The following MPHOSPH9 variants were observed in gnomAD, a reference collection of about 807,000 sequenced individuals.
MPHOSPH9 encodes the protein M-phase phosphoprotein 9.
In MPHOSPH9, 88 loss-of-function variants were observed where a neutral mutation model predicts 145.5. The ratio of observed to expected loss-of-function variants is 0.60; its 90% confidence interval spans 0.51 to 0.72. The LOEUF is 0.72. Among genes scored for constraint, MPHOSPH9 ranks in the 30% least tolerant of loss-of-function variants. The pLI, the probability that MPHOSPH9 is intolerant of heterozygous loss-of-function variation, is 0.00. For synonymous variants in MPHOSPH9, 435 were observed against 486.2 expected (o/e 0.89, Z 1.39); for missense variants, 1,238 against 1,386.6 (o/e 0.89, Z 1.70).
intron 11 of MPHOSPH9, among the ~76,000 whole-genome samples, chr12:123,200,598 C>T (rs1301607913): frequency 3.3e-5 from 5 of 151,440 alleles, no homozygotes; most frequent in South Asian, 2.1e-4. Flanking sequence ...AGTTCACTGG[C>T]GGGCTTCTTT....
In MPHOSPH9 at chr12:123,194,285, T is replaced by C. The variant is rs542789932; in HGVS notation, c.2241+101A>G. 5.2e-6 allele frequency: 4 copies of C among 766,694 alleles called. No homozygotes were observed. In the South Asian group the frequency reaches 8.3e-5, roughly 16 times the overall value. 47.5% of individuals were successfully genotyped at this position (766,694 alleles called of 1,614,324 possible). A position where few individuals can be genotyped will look rare whatever the true frequency, so the allele number is the denominator to read the frequency against. ...CTCTGTCTCAAAATAAATCAATAAA[T>C]AATAAAATAAGCCTAGAAAGTCATA... is the stretch of plus-strand genomic sequence containing the variant. On this transcript the variant is annotated intron_variant, in intron 13 of 23. Coordinates refer to ENST00000606320, the MANE Select transcript of MPHOSPH9 (RefSeq NM_022782.4).
At chr12:123,220,831 A>G (rs1028896807) in intron 5 of MPHOSPH9, among the ~76,000 whole-genome samples, 3 of 152,098 alleles carry the variant, frequency 2.0e-5, no homozygotes, top group African/African-American at 4.8e-5. Context: ...AGAGGCGGGC[A>G]GATCACAAGG....
chr12:123,223,742 G>C (rs1290823390), intron 3 of MPHOSPH9, among the ~76,000 whole-genome samples: 1 of 151,834 alleles, frequency 6.6e-6, no homozygotes, highest in East Asian at 1.9e-4. Flanking sequence ...CATAGTATTT[G>C]CCACATCAGA....
At chr12:123,193,167 A>G (rs2045789123) in intron 13 of MPHOSPH9, among the ~76,000 whole-genome samples, 1 of 149,460 alleles carries the variant, frequency 6.7e-6, no homozygotes, top group Admixed American at 6.7e-5. Flanking sequence ...CATGGGAAGG[A>G]GCAGGAGAAG....
intron 2 of MPHOSPH9, 85 bp from the exon 3 acceptor site, chr12:123,227,701 G>A: frequency 8.8e-7 from 1 of 1,141,482 alleles, no homozygotes; most frequent in Non-Finnish European, 1.2e-6. Context: ...TAGCAGAGCA[G>A]TACAAAACCA....
At chr12:123,173,945 G>A (rs944573669) in intron 16 of MPHOSPH9, among the ~76,000 whole-genome samples, 24 of 152,188 alleles carry the variant, frequency 1.6e-4, no homozygotes, top group Non-Finnish European at 3.5e-4. Context: ...TGGAGGCCTG[G>A]ACTTGCAAAT....
At position 123,162,995 on chromosome 12, in the gene MPHOSPH9, A is replaced by G; in HGVS notation, c.3029+19T>C. The G allele has an allele frequency of 6.5e-7, 1 of 1,532,440 alleles. No homozygotes were observed. The allele number at this position is 1,532,440 out of a possible 1,614,324, so 94.9% of individuals were successfully genotyped here. On this transcript the variant is annotated intron_variant, in intron 20 of 23. Coordinates refer to ENST00000606320, the MANE Select transcript of MPHOSPH9 (RefSeq NM_022782.4). ...TCACTAATATAGTAAACTTTATTCTACAATTTTAGAGAACTTACCGAATTG... is the reference window on the plus strand; with the variant it reads ...TCACTAATATAGTAAACTTTATTCTGCAATTTTAGAGAACTTACCGAATTG...
At chr12:123,234,737 AT>A (rs778245855), upstream of MPHOSPH9, among the ~76,000 whole-genome samples, 1 of 152,130 alleles carries the variant, frequency 6.6e-6, no homozygotes, top group Non-Finnish European at 1.5e-5. Flanking sequence ...ATCTTTCATG[AT>A]TTTTTAAATT....
intron 23 of MPHOSPH9, among the ~76,000 whole-genome samples, chr12:123,157,456 AC>A (rs1240028403): frequency 3.9e-5 from 6 of 152,072 alleles, no homozygotes; most frequent in Non-Finnish European, 7.4e-5. Flanking sequence ...GTTAAATAAT[AC>A]CTGGACTATA....
Position 123,230,537 on chromosome 12 carries a change from G to A in MPHOSPH9, c.-158-15C>T, listed in dbSNP as rs2047598901. ...TCCAAGAGAGTCTGAAAATGAATGG[G>A]GGAAAAAAATACTACTATAAAAAGC... On this transcript the variant is annotated splice_polypyrimidine_tract_variant and intron_variant, in intron 1 of 23. Transcript: ENST00000606320. 4 of 445,012 alleles carry A rather than the reference G, an allele frequency of 9.0e-6. No individual in the cohort carries two copies. The highest frequency in any genetic ancestry group is 4.1e-5 in the Admixed American group (1 of 24,110). The allele number at this position is 445,012 out of a possible 1,614,324, so 27.6% of individuals were successfully genotyped here. A position where few individuals can be genotyped will look rare whatever the true frequency, so the allele number is the denominator to read the frequency against.
chr12:123,210,552 G>A (rs1023840070), intron 7 of MPHOSPH9, among the ~76,000 whole-genome samples: 3 of 151,888 alleles, frequency 2.0e-5, no homozygotes, highest in Admixed American at 1.3e-4. Context: ...AATCAGCCAG[G>A]TGTGGTGGCA....
rs2046491978 is a variant in MPHOSPH9, at chr12:123,207,600, T to A, written c.1194+2456A>T. Among the ~76,000 whole-genome samples the A allele has an allele frequency of 2.0e-5, 3 of 152,184 alleles. No homozygotes were observed. The South Asian group carries it at 6.2e-4, about 31-fold the overall frequency. ...CGGGTGCACTAGCTCATGCCTGTAATTCCAGCACTTTGGGAGGCCAAGGCG... is the reference window on the plus strand; with the variant it reads ...CGGGTGCACTAGCTCATGCCTGTAAATCCAGCACTTTGGGAGGCCAAGGCG... On this transcript the variant is annotated intron_variant, in intron 8 of 23. Transcript: ENST00000606320.
At chr12:123,226,365 C>T (rs1480157961) in intron 3 of MPHOSPH9, 2 of 1,148,864 alleles carry the variant, frequency 1.7e-6, no homozygotes, top group Non-Finnish European at 2.2e-6. Context: ...AAAAATAACA[C>T]AAATTATGCT....
At position 123,181,153 on chromosome 12, in the gene MPHOSPH9, T is replaced by A; in HGVS notation, c.2289+10A>T. 2.5e-6 allele frequency: 4 copies of A among 1,608,004 alleles called. No individual in the cohort carries two copies. The highest frequency in any genetic ancestry group is 3.4e-6 in the Non-Finnish European group (4 of 1,174,606). On this transcript the variant is annotated intron_variant, in intron 14 of 23. Transcript: ENST00000606320. ...GCATGAAATCTAGAACATGAACCAT[T>A]ACCCCTTACCTTTACTCTCCTGTGT...
intron 16 of MPHOSPH9, among the ~76,000 whole-genome samples, chr12:123,171,088 T>C (rs181910052): frequency 4.6e-5 from 7 of 152,374 alleles, no homozygotes; most frequent in African/African-American, 1.2e-4. Flanking sequence ...CTTTTTCTTA[T>C]TGATTTGTAA....
At chr12:123,180,446 A>G (rs944474214) in intron 14 of MPHOSPH9, among the ~76,000 whole-genome samples, 1 of 152,136 alleles carries the variant, frequency 6.6e-6, no homozygotes, top group Non-Finnish European at 1.5e-5. Context: ...CCCCACTTAC[A>G]CCATCGTCGA....
chr12:123,228,505 T>C (rs529664284), intron 2 of MPHOSPH9, among the ~76,000 whole-genome samples: 7 of 152,240 alleles, frequency 4.6e-5, no homozygotes, highest in East Asian at 1.9e-4. Flanking sequence ...CTGGCCAACA[T>C]GGTGAAACAC....
At chr12:123,193,869 T>A (rs930046361) in intron 13 of MPHOSPH9, among the ~76,000 whole-genome samples, 1 of 151,186 alleles carries the variant, frequency 6.6e-6, no homozygotes, top group Non-Finnish European at 1.5e-5. Flanking sequence ...AGAAAAGATA[T>A]GGGAGTGATG....
upstream of MPHOSPH9, among the ~76,000 whole-genome samples, chr12:123,235,123 A>G (rs1397791696): frequency 6.6e-6 from 1 of 152,298 alleles, no homozygotes; most frequent in South Asian, 2.1e-4. Context: ...TCAGCCTTGT[A>G]GTTGAGAGAT....
Sources: gnomAD v4.1 joint callset for allele counts (sites outside exome capture counted in the v4.1 genomes callset) on GRCh38, gnomAD v4.1.1 for gene constraint, MANE v1.5 for transcripts, NCBI Gene and HGNC (gene_info 2026-07-23, HGNC 2026-07-21) for gene names.